SRPK3: variants seen among roughly 807,000 people sequenced by gnomAD.
The protein encoded by SRPK3 is SFRS protein kinase 3.
In SRPK3, 26 loss-of-function variants were observed where a neutral mutation model predicts 45.3. The ratio of observed to expected loss-of-function variants is 0.57; its 90% CI spans 0.42 to 0.80. The LOEUF (loss-of-function observed/expected upper bound fraction) is 0.80, where lower values mean the gene tolerates loss of function less well. Among genes scored for constraint, SRPK3 ranks in the 30% least tolerant of loss-of-function variants. SRPK3 has a pLI of 0.00. For missense variants in SRPK3, 536 were observed against 514.5 expected, an observed-to-expected ratio of 1.04 and a Z score of -0.40; for synonymous variants, 254 against 226.6, an observed-to-expected ratio of 1.12 and a Z score of -1.09.
chrX:153,781,749 G>A lies in SRPK3; in HGVS notation c.306G>A (p.Lys102=). The change falls in exon 4 of 15, where the codon AAG becomes AAA. Residue 102 remains lysine, a synonymous_variant. Coordinates refer to ENST00000370101, the MANE Select transcript of SRPK3 (RefSeq NM_014370.4). ...AAGGGTCTCGGTATTGCAGGCGCAA[G>A]CGCTTTGTGGCCCTCAAAGTGGTGA... ...TVWLCWDIQR[K]RFVALKVVKS... 1.7e-6 allele frequency: 2 copies of A among 1,211,632 alleles called. No homozygotes were observed. Among genetic ancestry groups the A allele is most frequent in the South Asian group, 3.5e-5 (2 of 57,053 alleles).
At position 153,781,104 on chromosome X, in the gene SRPK3, C is replaced by G; in HGVS notation, c.18C>G (p.Gly6=). 8.9e-7 allele frequency: 1 copy of G among 1,118,302 alleles called. No homozygotes were observed. The highest frequency in any genetic ancestry group is 2.2e-5 in the South Asian group (1 of 46,139). The allele number at this position is 1,118,302 out of a possible 1,213,427, so 92.2% of individuals were successfully genotyped here. A position where few individuals can be genotyped will look rare whatever the true frequency, so the allele number is the denominator to read the frequency against. ...TGGCCGGGATGAGCGCCAGCACGGG[C>G]GGTGGTGGGGACAGCGGCGGCAGCG... The part of the protein sequence containing the change: MSAST[G]GGGDSGGSGG... The change falls in exon 1 of 15, where the codon GGC becomes GGG. Residue 6 remains glycine (G), a synonymous_variant. Coordinates refer to ENST00000370101, the MANE Select transcript of SRPK3 (RefSeq NM_014370.4).
At position 153,785,333 on chromosome X, in the gene SRPK3, C is replaced by T. The variant is rs2092080348; in HGVS notation, c.1520-3C>T. The T allele has an allele frequency of 1.7e-6, 2 of 1,203,571 alleles. No homozygotes were observed. Among genetic ancestry groups the T allele is most frequent in the East Asian group, 5.9e-5 (2 of 33,632 alleles). ...AGCCTGACGCCCGCTGGCCTGCCCGCAGGAGAGCTGCGGCACATCCACAAT... is the reference window on the plus strand; with the variant it reads ...AGCCTGACGCCCGCTGGCCTGCCCGTAGGAGAGCTGCGGCACATCCACAAT... On this transcript the variant is annotated splice_polypyrimidine_tract_variant and splice_region_variant and intron_variant, in intron 14 of 14. Transcript: ENST00000370101.
Position 153,782,760 on chromosome X carries a change from C to T in SRPK3, c.476-12C>T. 1 of 1,194,706 alleles carries T rather than the reference C, an allele frequency of 8.4e-7. No individual in the cohort carries two copies. Among genetic ancestry groups the T allele is most frequent in the Non-Finnish European group, 1.1e-6 (1 of 885,069 alleles). On this transcript the variant is annotated splice_polypyrimidine_tract_variant and intron_variant, in intron 5 of 14. Coordinates refer to ENST00000370101, the MANE Select transcript of SRPK3 (RefSeq NM_014370.4). Reference sequence around the variant, plus strand: ...GCTGGTGTCCACTGGCCGCCCTTCACTCCCAGCCCAGATGTGTGCATGGTG... The same window carrying T: ...GCTGGTGTCCACTGGCCGCCCTTCATTCCCAGCCCAGATGTGTGCATGGTG...
intron 2 of SRPK3, 65 bp downstream of exon 2, chrX:153,781,411 C>G: frequency 8.5e-7 from 1 of 1,171,281 alleles, no homozygotes; most frequent in African/African-American, 1.8e-5. Flanking sequence ...CAGTCCTGGG[C>G]CCACATGGGC....
At chrX:153,782,012 G>A (rs1557067101) in intron 4 of SRPK3, 109 bp from the exon 5 acceptor site, 2 of 902,125 alleles carry the variant, frequency 2.2e-6, no homozygotes, top group African/African-American at 2.0e-5. Context: ...GGGGTTGGCG[G>A]CCTTTCTTCC....
rs1169201703 is a variant in SRPK3, at chrX:153,785,719, GTGTGGAC to G, written c.*202_*208del. 3 of 798,625 alleles carry G rather than the reference GTGTGGAC, an allele frequency of 3.8e-6. No homozygotes were observed. The highest frequency in any genetic ancestry group is 5.5e-6 in the Non-Finnish European group (3 of 549,565). 65.8% of individuals were successfully genotyped at this position (798,625 alleles called of 1,213,427 possible). A position where few individuals can be genotyped will look rare whatever the true frequency, so the allele number is the denominator to read the frequency against. On this transcript the variant is annotated 3_prime_UTR_variant, in exon 15 of 15. Coordinates refer to ENST00000370101, the MANE Select transcript of SRPK3 (RefSeq NM_014370.4). ...GTGTGTGTATTCCTTTCTTAATAAA[GTGTGGAC>G]TGAACATCGGTGCCTGGAGTGAGGG...
rs150193306 is a variant in SRPK3, at chrX:153,781,571, G to A, written c.257G>A (p.Gly86Asp). Reference sequence around the variant, plus strand: ...CGGTACCACGTGGTGCGCAAACTGGGCTGGGGCCACTTCTCCACCGTCTGG... The same window carrying A: ...CGGTACCACGTGGTGCGCAAACTGGACTGGGGCCACTTCTCCACCGTCTGG... ...NGRYHVVRKL[G>D]WGHFSTVWLC... Residue 86 changes from glycine to aspartate, a missense_variant, in exon 3 of 15, where the codon GGC (glycine) becomes GAC (aspartate). Gly to Asp is a moderately conservative substitution (Grantham distance 94). Coordinates refer to ENST00000370101, the MANE Select transcript of SRPK3 (RefSeq NM_014370.4). 4.1e-6 allele frequency: 5 copies of A among 1,209,872 alleles called. No homozygotes were observed. Among genetic ancestry groups the A allele is most frequent in the Non-Finnish European group, 5.6e-6 (5 of 895,178 alleles).
chrX:153,781,783 G>A lies in SRPK3; in HGVS notation c.340G>A (p.Gly114Arg). ...FVALKVVKSA[G>R]HYTETAVDEI... ...GGCCCTCAAAGTGGTGAAGAGTGCG[G>A]GGCATTACACGGAGACAGCTGTGGA... The change falls in exon 4 of 15, where the codon GGG (glycine) becomes AGG (arginine). Residue 114 changes from glycine (G) to arginine (R), a missense_variant. Gly to Arg is a moderately radical substitution (Grantham distance 125). Transcript: ENST00000370101. 8.3e-7 allele frequency: 1 copy of A among 1,211,817 alleles called. No individual in the cohort carries two copies. Among genetic ancestry groups the A allele is most frequent in the South Asian group, 1.8e-5 (1 of 57,041 alleles).
intron 14 of SRPK3, 29 bp from the exon 15 acceptor site, chrX:153,785,307 G>A: frequency 1.7e-6 from 2 of 1,198,510 alleles, no homozygotes; most frequent in Non-Finnish European, 2.3e-6. Context: ...GACAGGGACA[G>A]AGCCTGACGC....
At chrX:153,781,924 G>A (rs2092054728) in intron 4 of SRPK3, 94 bp downstream of exon 4, 8 of 1,053,836 alleles carry the variant, frequency 7.6e-6, no homozygotes, top group Non-Finnish European at 1.0e-5. Flanking sequence ...TGTGGGGCAG[G>A]GCGGGGCTCC....
In SRPK3 at chrX:153,781,939, G is replaced by A. The variant is rs908865291; in HGVS notation, c.387+109G>A. 5 of 986,973 alleles carry A rather than the reference G, an allele frequency of 5.1e-6. No homozygotes were observed. The African/African-American group carries it at 7.6e-5, about 15-fold the overall frequency. The allele number at this position is 986,973 out of a possible 1,213,427, so 81.3% of individuals were successfully genotyped here. A position where few individuals can be genotyped will look rare whatever the true frequency, so the allele number is the denominator to read the frequency against. ...TGTGGGGCAGGGCGGGGCTCCCTGA[G>A]GGGCAGCCTCCAGCTGGCTGTGCCC... On this transcript the variant is annotated intron_variant, in intron 4 of 14. Coordinates refer to ENST00000370101, the MANE Select transcript of SRPK3 (RefSeq NM_014370.4).
At chrX:153,783,301 A>C in intron 8 of SRPK3, 50 bp downstream of exon 8, 1 of 966,774 alleles carries the variant, frequency 1.0e-6, no homozygotes, top group Non-Finnish European at 1.4e-6. Context: ...ATCTGAGCCA[A>C]CTGGAGGCCA....
rs2092071814 is a variant in SRPK3, at chrX:153,784,349, T to C, written c.1203T>C (p.Asp401=). 1 of 1,211,181 alleles carries C rather than the reference T, an allele frequency of 8.3e-7. No homozygotes were observed. The highest frequency in any genetic ancestry group is 1.1e-6 in the Non-Finnish European group (1 of 895,454). ...ACCCCCTGGAGCCCCAAAATGCAGA[T>C]AAGATCAAGATCAAGATCGCAGACC... The part of the protein sequence containing the change: ...LVNPLEPQNA[D]KIKIKIADLG... The change falls in exon 11 of 15, where the codon GAT becomes GAC. Residue 401 remains aspartate (D), a synonymous_variant. Coordinates refer to ENST00000370101, the MANE Select transcript of SRPK3 (RefSeq NM_014370.4).
rs367826190 is a variant in SRPK3 at position 153,783,006 on chromosome X, C to T, written c.636C>T (p.Asp212=). ...LHTKCKIIHT[D]IKPENILLCV... is the part of the protein sequence containing the mutation. ...CCAAGTGCAAGATCATCCACACGGA[C>T]ATCAAGCCCGAGAACATCTTGCTGT... Residue 212 remains aspartate, a synonymous_variant, in exon 7 of 15, where the codon GAC becomes GAT. Transcript: ENST00000370101. 1.5e-4 allele frequency: 177 copies of T among 1,185,798 alleles called. No individual in the cohort carries two copies. The highest frequency in any genetic ancestry group is 2.0e-4 in the Non-Finnish European group (172 of 881,095).
In SRPK3 at chrX:153,785,329, C is replaced by G. The variant is rs1265040676; in HGVS notation, c.1520-7C>G. 1 of 1,201,656 alleles carries G rather than the reference C, an allele frequency of 8.3e-7. No homozygotes were observed. The highest frequency in any genetic ancestry group is 1.1e-6 in the Non-Finnish European group (1 of 888,449). On this transcript the variant is annotated splice_polypyrimidine_tract_variant and splice_region_variant and intron_variant, in intron 14 of 14. Transcript: ENST00000370101. Reference sequence around the variant, plus strand: ...ACAGAGCCTGACGCCCGCTGGCCTGCCCGCAGGAGAGCTGCGGCACATCCA... The same window carrying G: ...ACAGAGCCTGACGCCCGCTGGCCTGGCCGCAGGAGAGCTGCGGCACATCCA...
Position 153,784,995 on chromosome X carries a change from G to A in SRPK3, c.1418G>A (p.Arg473His). The A allele has an allele frequency of 1.7e-6, 2 of 1,211,289 alleles. No individual in the cohort carries two copies. Among genetic ancestry groups the A allele is most frequent in the Non-Finnish European group, 2.2e-6 (2 of 895,311 alleles). ...CCGCATTCTGGAGAAGACTACAGTC[G>A]TGATGAGGGTAAGGGGTGAGGGCTC... ...FEPHSGEDYS[R>H]DEDHIAHIVE... is the part of the protein sequence containing the mutation. Residue 473 changes from arginine to histidine, a missense_variant, in exon 13 of 15, where the codon CGT becomes CAT. Transcript: ENST00000370101.
In SRPK3 at chrX:153,784,378, G is replaced by T; in HGVS notation, c.1232G>T (p.Gly411Val). Residue 411 changes from glycine (G) to valine (V), a missense_variant, in exon 11 of 15, where the codon GGC (glycine) becomes GTC (valine). Coordinates refer to ENST00000370101, the MANE Select transcript of SRPK3 (RefSeq NM_014370.4). ...DKIKIKIADL[G>V]NACWVHKHFT... Reference sequence around the variant, plus strand: ...ATCAAGATCAAGATCGCAGACCTGGGCAACGCCTGCTGGGTGGTATGAGCA... The same window carrying T: ...ATCAAGATCAAGATCGCAGACCTGGTCAACGCCTGCTGGGTGGTATGAGCA... The T allele has an allele frequency of 1.7e-6, 2 of 1,210,902 alleles. No homozygotes were observed. Among genetic ancestry groups the T allele is most frequent in the Non-Finnish European group, 2.2e-6 (2 of 895,183 alleles).
At chrX:153,781,966 A>AG in intron 4 of SRPK3, 136 bp downstream of exon 4, 1 of 906,631 alleles carries the variant, frequency 1.1e-6, no homozygotes, top group East Asian at 3.1e-5. Context: ...GCTGTGCCCA[A>AG]GGGGGAGGAT....
chrX:153,781,180 GTC>G, intron 1 of SRPK3, 34 bp from the exon 2 acceptor site: 1 of 1,192,534 alleles, frequency 8.4e-7, no homozygotes, highest in Non-Finnish European at 1.1e-6. Flanking sequence ...AGCCCCTGGC[GTC>G]TCTCATGCCC....
Sources: allele counts gnomAD v4.1 joint callset, GRCh38; gene constraint gnomAD v4.1.1; transcripts MANE v1.5; gene names NCBI Gene and HGNC (gene_info 2026-07-23, HGNC 2026-07-21).